The following OXCT1 variants were observed in gnomAD, a reference collection of about 807,000 sequenced individuals.
OXCT1 encodes 3-oxoacid CoA-transferase 1.
OXCT1 carries 27 observed loss-of-function variants against 69.6 expected under a neutral mutation model. The ratio of observed to expected loss-of-function variants is 0.39; its 90% CI spans 0.29 to 0.54. OXCT1 has a LOEUF of 0.54. OXCT1 is among the 20% of genes least tolerant of loss of function. OXCT1 has a pLI of 0.72. For synonymous variants in OXCT1, 202 were observed against 217.8 expected (o/e 0.93, Z 0.64); for missense variants, 437 against 650.2 (o/e 0.67, Z 3.57).
chr5:41,835,318 C>T (rs1211170524), intron 7 of OXCT1, among the ~76,000 whole-genome samples: 2 of 152,180 alleles, frequency 1.3e-5, no homozygotes, highest in African/African-American at 4.8e-5. Context: ...TAAATATATA[C>T]ACCTACTATG....
intron 7 of OXCT1, among the ~76,000 whole-genome samples, chr5:41,821,009 C>G (rs1747521147): frequency 6.6e-6 from 1 of 152,174 alleles, no homozygotes; most frequent in East Asian, 1.9e-4. Context: ...CCTACCTCAA[C>G]TAGATTGTAA....
chr5:41,798,896 G>A (rs1746300508), intron 11 of OXCT1, among the ~76,000 whole-genome samples: 1 of 152,160 alleles, frequency 6.6e-6, no homozygotes, highest in Non-Finnish European at 1.5e-5. Flanking sequence ...GTCACAAGCA[G>A]GAGACTGGGT....
intron 3 of OXCT1, among the ~76,000 whole-genome samples, chr5:41,854,659 A>G (rs1207423732): frequency 6.6e-6 from 1 of 152,028 alleles, no homozygotes; most frequent in Admixed American, 6.6e-5. Context: ...ATGGCGAAAT[A>G]TTTTTTAATG....
rs189069995 is a variant in OXCT1 at position 41,825,331 on chromosome 5, C to A, written c.732+15120G>T. On this transcript the variant is annotated intron_variant, in intron 7 of 16. Transcript: ENST00000196371. ...AAAAAGCTGAACCAGAGAAGGTAAA[C>A]TCTAGTCTTAGACATGAGTGGACTT... is the stretch of plus-strand genomic sequence containing the variant. 2.4e-4 allele frequency among the ~76,000 whole-genome samples: 37 copies of A among 152,226 alleles called. No homozygotes were observed. In the South Asian group the frequency reaches 3.5e-3, roughly 15 times the overall value.
intron 14 of OXCT1, among the ~76,000 whole-genome samples, chr5:41,752,948 T>TA (rs1282423460): frequency 1.3e-5 from 2 of 152,074 alleles, no homozygotes; most frequent in African/African-American, 2.4e-5. Flanking sequence ...TTCAAGTGAC[T>TA]AAACACTCTA....
intron 9 of OXCT1, 72 bp downstream of exon 9, chr5:41,805,495 G>A (rs530646957): frequency 1.0e-6 from 1 of 962,988 alleles, no homozygotes; most frequent in East Asian, 2.4e-5. Context: ...TATGCAAGAG[G>A]TCTAATAGCC....
At chr5:41,815,430 C>G (rs540290635) in intron 7 of OXCT1, among the ~76,000 whole-genome samples, 1 of 152,236 alleles carries the variant, frequency 6.6e-6, no homozygotes, top group Admixed American at 6.5e-5. Context: ...TCTCCAGCCT[C>G]AGCCTCCTGA....
intron 14 of OXCT1, among the ~76,000 whole-genome samples, chr5:41,750,458 T>G (rs1016662740): frequency 3.3e-5 from 5 of 152,022 alleles, no homozygotes; most frequent in Admixed American, 2.6e-4. Flanking sequence ...CTGTTCATGA[T>G]TAAGCTACTT....
chr5:41,742,190 CTTAA>C (rs1743202715), intron 15 of OXCT1, among the ~76,000 whole-genome samples: 1 of 152,066 alleles, frequency 6.6e-6, no homozygotes, highest in Non-Finnish European at 1.5e-5. Context: ...TTTATCAAAT[CTTAA>C]TTAGATATAT....
chr5:41,834,363 A>C (rs1748248220), intron 7 of OXCT1, among the ~76,000 whole-genome samples: 1 of 152,052 alleles, frequency 6.6e-6, no homozygotes, highest in South Asian at 2.1e-4. Flanking sequence ...ACAGTAGCTG[A>C]ATGGATGAAA....
chr5:41,835,400 G>A (rs1175995284), intron 7 of OXCT1, among the ~76,000 whole-genome samples: 2 of 152,176 alleles, frequency 1.3e-5, no homozygotes, highest in Non-Finnish European at 2.9e-5. Context: ...AGAAGATACA[G>A]CTCCCTGAAG....
intron 1 of OXCT1, 85 bp from the exon 2 acceptor site, chr5:41,862,835 C>T (rs1203112757): frequency 1.3e-6 from 1 of 792,480 alleles, no homozygotes; most frequent in Non-Finnish European, 2.2e-6. Flanking sequence ...AATTGATAGA[C>T]AAATGATAAT....
chr5:41,764,375 T>C (rs890545671), intron 13 of OXCT1, among the ~76,000 whole-genome samples: 1 of 152,154 alleles, frequency 6.6e-6, no homozygotes, highest in Non-Finnish European at 1.5e-5. Context: ...AAATAGAGTT[T>C]ATAAATGTAT....
intron 10 of OXCT1, among the ~76,000 whole-genome samples, chr5:41,802,120 C>A (rs1435114239): frequency 6.6e-6 from 1 of 152,028 alleles, no homozygotes; most frequent in Non-Finnish European, 1.5e-5. Flanking sequence ...CTCTAAGGCA[C>A]CTTAAAAATG....
intron 13 of OXCT1, among the ~76,000 whole-genome samples, chr5:41,788,048 G>C (rs771999659): frequency 2.6e-5 from 4 of 152,106 alleles, no homozygotes; most frequent in Non-Finnish European, 5.9e-5. Flanking sequence ...CGAGTGTTTA[G>C]AGCAAAAATA....
intron 15 of OXCT1, among the ~76,000 whole-genome samples, chr5:41,741,682 A>G (rs1186955980): frequency 2.0e-5 from 3 of 152,224 alleles, no homozygotes; most frequent in Non-Finnish European, 2.9e-5. Flanking sequence ...ACCAGTGATA[A>G]CTGCATTATT....
chr5:41,841,077 C>T (rs1339730223), intron 6 of OXCT1, among the ~76,000 whole-genome samples: 1 of 152,114 alleles, frequency 6.6e-6, no homozygotes, highest in African/African-American at 2.4e-5. Context: ...AAGTATAACA[C>T]CCACATCAGA....
At chr5:41,842,546 T>G (rs1561121603) in intron 6 of OXCT1, 129 bp downstream of exon 6, 5 of 754,330 alleles carry the variant, frequency 6.6e-6, no homozygotes, top group Non-Finnish European at 1.2e-5. Context: ...CACCTATATA[T>G]GTGCAATACA....
chr5:41,866,030 C>A (rs1047597069), intron 1 of OXCT1, among the ~76,000 whole-genome samples: 1 of 148,196 alleles, frequency 6.7e-6, no homozygotes, highest in African/African-American at 2.5e-5. Flanking sequence ...AGACCCCCCC[C>A]CCCACCGCTT....
Sources: gnomAD v4.1 joint callset for allele counts (sites outside exome capture counted in the v4.1 genomes callset) on GRCh38, gnomAD v4.1.1 for gene constraint, MANE v1.5 for transcripts, NCBI Gene and HGNC (gene_info 2026-07-23, HGNC 2026-07-21) for gene names.